Variants in TXNDC16 observed in about 807,000 individuals in gnomAD.
TXNDC16 encodes thioredoxin domain containing 16, also known as thioredoxin domain-containing protein 16.
A neutral mutation model predicts 85.6 loss-of-function variants in TXNDC16; 74 were observed. The ratio of observed to expected loss-of-function variants is 0.86; its 90% confidence interval spans 0.72 to 1.05. The LOEUF (loss-of-function observed/expected upper bound fraction) is 1.05, where lower values mean the gene tolerates loss of function less well. Ranked by LOEUF, TXNDC16 falls within the 50% of genes least tolerant of loss-of-function variation. The probability of loss-of-function intolerance (pLI) is 0.00; values close to 1 mark genes in which losing one functional copy is unlikely to be tolerated. For missense variants in TXNDC16, 959 were observed against 947.0 expected (o/e 1.01, Z -0.17); for synonymous variants, 335 against 326.5 (o/e 1.03, Z -0.28).
chr14:52,502,661 G>C (rs565185215), intron 9 of TXNDC16, among the ~76,000 whole-genome samples: 3 of 152,306 alleles, frequency 2.0e-5, no homozygotes, highest in Non-Finnish European at 4.4e-5. Flanking sequence ...GGCAGAAGAT[G>C]AATGATTTCT....
chr14:52,533,220 T>G (rs940471014), intron 6 of TXNDC16, among the ~76,000 whole-genome samples: 1 of 152,136 alleles, frequency 6.6e-6, no homozygotes, highest in African/African-American at 2.4e-5. Context: ...TTCTGTAAAT[T>G]TGCTCTTCTT....
At chr14:52,490,340 A>T (rs1272753945) in intron 11 of TXNDC16, 51 bp downstream of exon 11, 1 of 1,294,456 alleles carries the variant, frequency 7.7e-7, no homozygotes, top group Non-Finnish European at 1.1e-6. Context: ...CACATATATT[A>T]GCTTTCTTTA....
Position 52,488,418 on chromosome 14 carries a change from C to A in TXNDC16, c.1053G>T (p.Met351Ile). ...DLIISHVENN[M>I]HIEEIQEDED... The stretch of plus-strand genomic sequence containing the variant: ...CATCTTCTTGTATTTCCTCAATGTG[C>A]ATATTATTTTCCACATGAGATATTA... Residue 351 changes from methionine (M) to isoleucine (I), a missense_variant, in exon 12 of 21, where the codon ATG becomes ATT. Physicochemically the swap from Met to Ile is conservative, Grantham distance 10. Transcript: ENST00000281741. The A allele has an allele frequency of 6.2e-7, 1 of 1,612,860 alleles. No individual in the cohort carries two copies. The highest frequency in any genetic ancestry group is 2.2e-5 in the East Asian group (1 of 44,824).
At chr14:52,542,653 A>C (rs180865433) in intron 3 of TXNDC16, among the ~76,000 whole-genome samples, 200 bp from the exon 4 acceptor site, 1 of 152,210 alleles carries the variant, frequency 6.6e-6, no homozygotes, top group Non-Finnish European at 1.5e-5. Flanking sequence ...GATGTACTTT[A>C]ACTTTGTAAA....
chr14:52,508,123 C>G (rs1268867350), intron 9 of TXNDC16, among the ~76,000 whole-genome samples: 1 of 152,118 alleles, frequency 6.6e-6, no homozygotes, highest in African/African-American at 2.4e-5. Flanking sequence ...TCAGAGTGAA[C>G]AGGCAACCTA....
At chr14:52,463,573 T>C (rs907849874) in intron 16 of TXNDC16, among the ~76,000 whole-genome samples, 3 of 152,172 alleles carry the variant, frequency 2.0e-5, no homozygotes, top group African/African-American at 7.2e-5. Flanking sequence ...AAGAAATAGC[T>C]GGATTGGTTA....
At chr14:52,488,211 G>C (rs980951721) in intron 12 of TXNDC16, 152 bp downstream of exon 12, 1 of 898,212 alleles carries the variant, frequency 1.1e-6, no homozygotes. Context: ...AAATCAACTT[G>C]ATAAAATGTG....
rs1304607157 is a variant in TXNDC16 at position 52,482,802 on chromosome 14, C to T, written c.1252+20G>A. ...TTAAATGTCCTAATATGTAACAGTC[C>T]TCTAAAGGCTCATACTCACAACCAG... On this transcript the variant is annotated intron_variant, in intron 13 of 20. Coordinates refer to ENST00000281741, the MANE Select transcript of TXNDC16 (RefSeq NM_020784.3). 21 of 1,572,164 alleles carry T rather than the reference C, an allele frequency of 1.3e-5. No individual in the cohort carries two copies. Among genetic ancestry groups the T allele is most frequent in the Non-Finnish European group, 1.6e-5 (19 of 1,166,290 alleles).
At chr14:52,490,334 T>C in intron 11 of TXNDC16, 57 bp downstream of exon 11, 1 of 1,219,382 alleles carries the variant, frequency 8.2e-7, no homozygotes, top group African/African-American at 1.6e-5. Context: ...AAAGACCACA[T>C]ATATTAGCTT....
At chr14:52,454,296 C>G (rs2140114174) in intron 18 of TXNDC16, among the ~76,000 whole-genome samples, 1 of 151,392 alleles carries the variant, frequency 6.6e-6, no homozygotes, top group South Asian at 2.1e-4. Flanking sequence ...TGTGGTGGCA[C>G]ATGCCTGTAG....
intron 18 of TXNDC16, among the ~76,000 whole-genome samples, chr14:52,446,558 T>C (rs1414542261): frequency 1.3e-5 from 2 of 152,084 alleles, no homozygotes. Flanking sequence ...CAGCAGACTA[T>C]AGGCACACAT....
chr14:52,440,681 T>C lies in TXNDC16; in HGVS notation c.1886A>G (p.Gln629Arg). Residue 629 changes from glutamine (Q) to arginine (R), a missense_variant, in exon 19 of 21, where the codon CAG becomes CGG. Coordinates refer to ENST00000281741, the MANE Select transcript of TXNDC16 (RefSeq NM_020784.3). The part of the protein sequence containing the change: ...VENLPSYFRL[Q>R]KPLLILFSDG... ...ACTGAACAAAATCAATAATGGTTTC[T>C]GAAGTCTGAAATAACTGGGAAGATT... The C allele has an allele frequency of 6.2e-7, 1 of 1,608,798 alleles. No individual in the cohort carries two copies.
At chr14:52,487,226 C>CA (rs1311916516) in intron 12 of TXNDC16, among the ~76,000 whole-genome samples, 2 of 152,106 alleles carry the variant, frequency 1.3e-5, no homozygotes, top group Non-Finnish European at 2.9e-5. Context: ...CTGAGAACTC[C>CA]AGAGAGGAAC....
chr14:52,505,531 T>C (rs149530357), intron 9 of TXNDC16, among the ~76,000 whole-genome samples: 14,707 of 152,102 alleles, frequency 0.097, 828 homozygotes, highest in East Asian at 0.18. Context: ...AACAAAGACA[T>C]GACATACCAG....
intron 14 of TXNDC16, 55 bp downstream of exon 14, chr14:52,482,175 C>A: frequency 6.8e-7 from 1 of 1,465,766 alleles, no homozygotes; most frequent in Non-Finnish European, 9.2e-7. Flanking sequence ...CATAGTTTTA[C>A]AAATAGCTAC....
chr14:52,490,724 A>G, intron 10 of TXNDC16, 115 bp downstream of exon 10: 1 of 1,156,684 alleles, frequency 8.6e-7, no homozygotes, highest in South Asian at 1.5e-5. Context: ...TTCTAACTAT[A>G]TTGGAATCTA....
chr14:52,544,459 A>G (rs1384595467), intron 1 of TXNDC16, 88 bp from the exon 2 acceptor site: 1 of 152,110 alleles, frequency 6.6e-6, no homozygotes, highest in Non-Finnish European at 1.5e-5. Context: ...CAGTATTTTT[A>G]AAATTTCAAA....
intron 4 of TXNDC16, among the ~76,000 whole-genome samples, chr14:52,540,478 A>G (rs2037804587): frequency 6.6e-6 from 1 of 152,082 alleles, no homozygotes; most frequent in South Asian, 2.1e-4. Context: ...TACAAAAATT[A>G]GCCAGGCATG....
intron 1 of TXNDC16, among the ~76,000 whole-genome samples, chr14:52,546,139 T>C (rs1346198505): frequency 6.6e-6 from 1 of 151,424 alleles, no homozygotes; most frequent in Non-Finnish European, 1.5e-5. Context: ...AGAAAAAAAA[T>C]TGCCATGCAT....
Sources: gnomAD v4.1 joint callset for allele counts (sites outside exome capture counted in the v4.1 genomes callset) on GRCh38, gnomAD v4.1.1 for gene constraint, MANE v1.5 for transcripts, NCBI Gene and HGNC (gene_info 2026-07-23, HGNC 2026-07-21) for gene names.